Variants in NEK1 observed in about 807,000 individuals in gnomAD.
NEK1 encodes the protein NIMA related kinase 1.
NEK1 carries 137 observed loss-of-function variants against 182.1 expected under a neutral mutation model. That is an observed-to-expected ratio of 0.75 (90% CI 0.65 to 0.87). NEK1 has a LOEUF of 0.87. Ranked by LOEUF, NEK1 falls within the 40% of genes least tolerant of loss-of-function variation. NEK1 has a pLI of 0.00. For synonymous variants in NEK1, 513 were observed against 492.2 expected, an observed-to-expected ratio of 1.04 and a Z score of -0.56; for missense variants, 1,391 against 1,494.4, an observed-to-expected ratio of 0.93 and a Z score of 1.14.
At chr4:169,397,805 G>A (rs1265517684) in intron 35 of NEK1, among the ~76,000 whole-genome samples, 1 of 152,174 alleles carries the variant, frequency 6.6e-6, no homozygotes, top group African/African-American at 2.4e-5. Flanking sequence ...TTGTGAATAA[G>A]TTGATTGTTA....
In NEK1 at chr4:169,599,100, C is replaced by T; in HGVS notation, c.312G>A (p.Gln104=). 1 of 1,611,638 alleles carries T rather than the reference C, an allele frequency of 6.2e-7. No homozygotes were observed. Among genetic ancestry groups the T allele is most frequent in the Non-Finnish European group, 8.5e-7 (1 of 1,178,452 alleles). The change falls in exon 5 of 36, where the codon CAG becomes CAA. Residue 104 remains glutamine (Q), a splice_region_variant and synonymous_variant. Transcript: ENST00000507142. ...AQKGVLFQED[Q]ILDWFVQICL... ...GTCAATTTCCTAAATGCAAACTTACCTGATCCTCTTGAAACAAAACGCCTT... is the reference window on the plus strand; with the variant it reads ...GTCAATTTCCTAAATGCAAACTTACTTGATCCTCTTGAAACAAAACGCCTT...
At chr4:169,420,279 C>T (rs1415307953) in intron 31 of NEK1, among the ~76,000 whole-genome samples, 1 of 152,188 alleles carries the variant, frequency 6.6e-6, no homozygotes, top group Non-Finnish European at 1.5e-5. Context: ...CACTGAAATA[C>T]CTCCTGAAGG....
intron 32 of NEK1, among the ~76,000 whole-genome samples, chr4:169,402,952 G>A (rs922965077): frequency 6.6e-6 from 1 of 152,090 alleles, no homozygotes; most frequent in Non-Finnish European, 1.5e-5. Context: ...TACCTAAGCC[G>A]GGATTTCATC....
At chr4:169,428,244 A>G (rs555803010) in intron 29 of NEK1, among the ~76,000 whole-genome samples, 1 of 151,380 alleles carries the variant, frequency 6.6e-6, no homozygotes, top group Non-Finnish European at 1.5e-5. Context: ...GAAAGCAAAG[A>G]CTCAAACAGA....
chr4:169,513,886 G>A (rs1754614904), intron 19 of NEK1, among the ~76,000 whole-genome samples: 1 of 151,884 alleles, frequency 6.6e-6, no homozygotes, highest in South Asian at 2.1e-4. Context: ...TTTTAATACT[G>A]TAAAATACTT....
intron 26 of NEK1, 92 bp downstream of exon 26, chr4:169,477,029 ATTC>A (rs1747077990): frequency 3.8e-6 from 3 of 797,060 alleles, no homozygotes; most frequent in Non-Finnish European, 5.6e-6. Context: ...GCTTCTCTCA[ATTC>A]TTCTAAGTGT....
chr4:169,408,563 C>T (rs1401254834), intron 31 of NEK1, among the ~76,000 whole-genome samples: 5 of 151,992 alleles, frequency 3.3e-5, no homozygotes, highest in Non-Finnish European at 5.9e-5. Context: ...TATTGGTGCA[C>T]GCAACACCCG....
intron 23 of NEK1, among the ~76,000 whole-genome samples, chr4:169,493,826 TGA>T (rs1368931875): frequency 2.6e-5 from 4 of 152,174 alleles, no homozygotes; most frequent in Non-Finnish European, 1.5e-5. Context: ...CTGGCATTCC[TGA>T]GAGAGAAAAA....
intron 27 of NEK1, among the ~76,000 whole-genome samples, chr4:169,441,520 T>C (rs1455380274): frequency 1.3e-5 from 2 of 152,306 alleles, no homozygotes; most frequent in Non-Finnish European, 2.9e-5. Context: ...CCACCACTGA[T>C]TTCTGAGTGT....
At chr4:169,565,947 C>T (rs1184801074) in intron 12 of NEK1, among the ~76,000 whole-genome samples, 5 of 152,076 alleles carry the variant, frequency 3.3e-5, no homozygotes, top group Admixed American at 2.0e-4. Flanking sequence ...GGCTGAATTA[C>T]GTACAGTATG....
At chr4:169,557,437 A>G (rs183879921) in intron 16 of NEK1, among the ~76,000 whole-genome samples, 2 of 152,340 alleles carry the variant, frequency 1.3e-5, no homozygotes, top group Admixed American at 1.3e-4. Context: ...GAAGAAATCA[A>G]TAACCTCAAA....
Position 169,590,742 on chromosome 4 carries a change from C to G in NEK1, c.380G>C (p.Arg127Pro). 6.3e-7 allele frequency: 1 copy of G among 1,591,714 alleles called. No individual in the cohort carries two copies. Among genetic ancestry groups the G allele is most frequent in the Non-Finnish European group, 8.6e-7 (1 of 1,167,216 alleles). ...ATAACATACCTGAGATTTAATGTCT[C>G]GATGAAGAATTTTTCTATCATGTAC... ...KHVHDRKILH[R>P]DIKSQNIFLT... is the part of the protein sequence containing the mutation. The change falls in exon 6 of 36, where the codon CGA becomes CCA. Residue 127 changes from arginine (R) to proline (P), a missense_variant. Around this residue, in one of 5 missense-constraint regions of NEK1, gnomAD observed 116 missense variants for 114.5 expected, o/e 1.01. Coordinates refer to ENST00000507142, the MANE Select transcript of NEK1 (RefSeq NM_001199397.3).
In NEK1 at chr4:169,424,544, C is replaced by T; in HGVS notation, c.3222+9G>A. 6.4e-7 allele frequency: 1 copy of T among 1,568,054 alleles called. No homozygotes were observed. The highest frequency in any genetic ancestry group is 1.4e-5 in the African/African-American group (1 of 73,670). ...TGGATAATATTTTCCACTTGAGGAC[C>T]ATACTTGCCTTTGGGTTGTTTGCAT... On this transcript the variant is annotated intron_variant, in intron 31 of 35. Transcript: ENST00000507142.
At chr4:169,559,880 A>G (rs1762653817) in intron 16 of NEK1, among the ~76,000 whole-genome samples, 1 of 152,088 alleles carries the variant, frequency 6.6e-6, no homozygotes, top group Non-Finnish European at 1.5e-5. Flanking sequence ...GTGGTGGTGC[A>G]TGCCTGTAAT....
At chr4:169,493,705 T>C (rs563646712) in intron 23 of NEK1, among the ~76,000 whole-genome samples, 1 of 152,318 alleles carries the variant, frequency 6.6e-6, no homozygotes, top group Non-Finnish European at 1.5e-5. Flanking sequence ...GCTCAAAGAC[T>C]GGTCTTTTGA....
intron 27 of NEK1, among the ~76,000 whole-genome samples, chr4:169,460,310 G>C (rs1468841078): frequency 6.6e-6 from 1 of 151,396 alleles, no homozygotes; most frequent in East Asian, 1.9e-4. Flanking sequence ...GGAGGAGCAA[G>C]TCACATCTTA....
At chr4:169,414,738 G>A (rs961576649) in intron 31 of NEK1, among the ~76,000 whole-genome samples, 2 of 152,158 alleles carry the variant, frequency 1.3e-5, no homozygotes, top group Non-Finnish European at 2.9e-5. Flanking sequence ...TAGCTGTGAG[G>A]TGTAAGAATC....
chr4:169,494,100 C>CTT (rs58999473), intron 23 of NEK1, among the ~76,000 whole-genome samples: 132 of 142,454 alleles, frequency 9.3e-4, no homozygotes, highest in African/African-American at 3.1e-3. Flanking sequence ...GGATTTCTTT[C>CTT]TTTTTTTTTT....
chr4:169,403,431 G>A (rs148163080), intron 32 of NEK1, among the ~76,000 whole-genome samples: 41 of 152,100 alleles, frequency 2.7e-4, no homozygotes, highest in African/African-American at 8.7e-4. Flanking sequence ...TTAGCTAGGC[G>A]TGGTGGCACG....
Sources: allele counts gnomAD v4.1 joint callset (sites outside exome capture counted in the v4.1 genomes callset), GRCh38; gene constraint gnomAD v4.1.1; regional missense constraint gnomAD v4.1.1; transcripts MANE v1.5; gene names NCBI Gene and HGNC (gene_info 2026-07-23, HGNC 2026-07-21).